The following LHFPL2 variants were observed in gnomAD, a reference collection of about 807,000 sequenced individuals.
The protein encoded by LHFPL2 is LHFPL tetraspan subfamily member 2.
Under a neutral mutation model 17.5 loss-of-function variants are expected in LHFPL2, and 7 were observed. The ratio of observed to expected loss-of-function variants is 0.40; its 90% confidence interval spans 0.23 to 0.75. LHFPL2 has a LOEUF of 0.75. Among genes scored for constraint, LHFPL2 ranks in the 30% least tolerant of loss-of-function variants. LHFPL2 has a pLI of 0.37. For missense variants in LHFPL2, 241 were observed against 294.8 expected (o/e 0.82, Z 1.34); for synonymous variants, 134 against 116.2 (o/e 1.15, Z -0.99).
intron 4 of LHFPL2, among the ~76,000 whole-genome samples, chr5:78,492,693 A>AAGTC (rs1326913166): frequency 6.6e-6 from 1 of 152,212 alleles, no homozygotes; most frequent in African/African-American, 2.4e-5. Context: ...GCTGTTGTTT[A>AAGTC]AGTCACATAA....
At chr5:78,571,026 G>A (rs1462887190) in intron 2 of LHFPL2, among the ~76,000 whole-genome samples, 2 of 152,186 alleles carry the variant, frequency 1.3e-5, no homozygotes, top group Non-Finnish European at 2.9e-5. Flanking sequence ...TGTAGGGAAG[G>A]AACACTCTCA....
At chr5:78,514,081 TA>T (rs1329624171) in intron 3 of LHFPL2, among the ~76,000 whole-genome samples, 1 of 152,138 alleles carries the variant, frequency 6.6e-6, no homozygotes, top group African/African-American at 2.4e-5. Flanking sequence ...GACAGAACCT[TA>T]TTAACCACAG....
At chr5:78,614,102 T>C (rs987195489) in intron 2 of LHFPL2, among the ~76,000 whole-genome samples, 1 of 152,176 alleles carries the variant, frequency 6.6e-6, no homozygotes, top group African/African-American at 2.4e-5. Context: ...TTGGCGCCGA[T>C]GCTATGAGAA....
At chr5:78,555,105 T>A (rs1455846431) in intron 3 of LHFPL2, among the ~76,000 whole-genome samples, 1 of 152,040 alleles carries the variant, frequency 6.6e-6, no homozygotes, top group African/African-American at 2.4e-5. Flanking sequence ...ACCAAAAAAA[T>A]GCATATTGAA....
At chr5:78,586,718 T>A (rs1743418688) in intron 2 of LHFPL2, among the ~76,000 whole-genome samples, 1 of 152,054 alleles carries the variant, frequency 6.6e-6, no homozygotes, top group South Asian at 2.1e-4. Flanking sequence ...TCCCGGTTTT[T>A]ATAGGGGGGA....
intron 4 of LHFPL2, 44 bp from the exon 5 acceptor site, chr5:78,489,197 C>CT: frequency 6.2e-7 from 1 of 1,606,968 alleles, no homozygotes; most frequent in South Asian, 1.1e-5. Context: ...CCCCATGGTG[C>CT]TACAACTGTC....
At chr5:78,638,871 CAAG>C (rs1745560733) in intron 1 of LHFPL2, among the ~76,000 whole-genome samples, 1 of 152,096 alleles carries the variant, frequency 6.6e-6, no homozygotes, top group South Asian at 2.1e-4. Context: ...TGAAATTTCA[CAAG>C]AAGAAATGAA....
At chr5:78,528,928 G>T (rs1279770236) in intron 3 of LHFPL2, among the ~76,000 whole-genome samples, 1 of 152,162 alleles carries the variant, frequency 6.6e-6, no homozygotes, top group Non-Finnish European at 1.5e-5. Flanking sequence ...AAAACAGCTT[G>T]TTTTTTGAAA....
At chr5:78,583,294 T>C (rs1323958470) in intron 2 of LHFPL2, among the ~76,000 whole-genome samples, 3 of 152,062 alleles carry the variant, frequency 2.0e-5, no homozygotes, top group Non-Finnish European at 1.5e-5. Context: ...TTAAAGTTAA[T>C]ATTGTTATGT....
intron 4 of LHFPL2, chr5:78,494,379 T>C: frequency 1.0e-6 from 1 of 985,334 alleles, no homozygotes; most frequent in Non-Finnish European, 1.2e-6. Context: ...ATGGCTCAAC[T>C]TGACAGAATG....
At position 78,631,521 on chromosome 5, in the gene LHFPL2, T is replaced by C. The variant is rs189758054; in HGVS notation, c.-245+743A>G. On this transcript the variant is annotated intron_variant, in intron 2 of 4. Transcript: ENST00000380345. Reference sequence around the variant, plus strand: ...AAAAAGATGTGCACAAACAAGTACGTAAAGCTCACCATGACAAGTCCAATG... The same window carrying C: ...AAAAAGATGTGCACAAACAAGTACGCAAAGCTCACCATGACAAGTCCAATG... 4.0e-4 allele frequency among the ~76,000 whole-genome samples: 61 copies of C among 152,342 alleles called. 1 individual carries two copies. The highest frequency in any genetic ancestry group is 1.4e-3 in the African/African-American group (59 of 41,582).
chr5:78,626,951 C>A (rs1422923386), intron 2 of LHFPL2, among the ~76,000 whole-genome samples: 1 of 151,836 alleles, frequency 6.6e-6, no homozygotes, highest in African/African-American at 2.4e-5. Flanking sequence ...CATGGTGGTA[C>A]GCGCCTGTAA....
intron 3 of LHFPL2, among the ~76,000 whole-genome samples, chr5:78,536,326 A>T (rs1212737610): frequency 6.6e-6 from 1 of 152,216 alleles, no homozygotes; most frequent in Non-Finnish European, 1.5e-5. Context: ...TCCAGAGGAA[A>T]GCCCTCCAAG....
intron 4 of LHFPL2, chr5:78,494,350 A>C: frequency 1.0e-6 from 1 of 985,194 alleles, no homozygotes; most frequent in Non-Finnish European, 1.2e-6. Context: ...GGTCACCTGG[A>C]GGGCTGCTCA....
intron 3 of LHFPL2, among the ~76,000 whole-genome samples, chr5:78,525,819 A>C (rs1755606907): frequency 6.6e-6 from 1 of 152,242 alleles, no homozygotes; most frequent in African/African-American, 2.4e-5. Context: ...TGAGTATCTA[A>C]ATAGCTGAAA....
intron 3 of LHFPL2, among the ~76,000 whole-genome samples, chr5:78,518,703 C>A (rs1201846889): frequency 1.3e-5 from 2 of 152,218 alleles, no homozygotes; most frequent in East Asian, 3.8e-4. Context: ...GTGTTCCTCG[C>A]TGCAGCCTAG....
chr5:78,588,274 G>C (rs974050320), intron 2 of LHFPL2, among the ~76,000 whole-genome samples: 1 of 152,182 alleles, frequency 6.6e-6, no homozygotes, highest in African/African-American at 2.4e-5. Flanking sequence ...GGGATCAAGT[G>C]ATCTTCCTGC....
At chr5:78,568,861 T>C (rs145702697) in intron 2 of LHFPL2, among the ~76,000 whole-genome samples, 2 of 152,324 alleles carry the variant, frequency 1.3e-5, no homozygotes, top group African/African-American at 4.8e-5. Context: ...GCAATTCATT[T>C]TCTCATTTTA....
At chr5:78,504,261 G>C (rs925202289) in intron 4 of LHFPL2, among the ~76,000 whole-genome samples, 1 of 152,138 alleles carries the variant, frequency 6.6e-6, no homozygotes, top group Non-Finnish European at 1.5e-5. Context: ...CCTCTTTGAG[G>C]GTGTTCTGAA....
Sources: allele counts gnomAD v4.1 joint callset (sites outside exome capture counted in the v4.1 genomes callset), GRCh38; gene constraint gnomAD v4.1.1; transcripts MANE v1.5; gene names NCBI Gene and HGNC (gene_info 2026-07-23, HGNC 2026-07-21).